Variants in CPS1 observed in about 807,000 individuals in gnomAD.
The protein encoded by CPS1 is carbamoyl-phosphate synthase [ammonia], mitochondrial.
CPS1 carries 109 observed loss-of-function variants against 174.6 expected under a neutral mutation model. The ratio of observed to expected loss-of-function variants is 0.62; its 90% CI spans 0.53 to 0.73. The LOEUF (loss-of-function observed/expected upper bound fraction) is 0.73, where lower values mean the gene tolerates loss of function less well. Ranked by LOEUF, CPS1 falls within the 30% of genes least tolerant of loss-of-function variation. The pLI, the probability that CPS1 is intolerant of heterozygous loss-of-function variation, is 0.00. For synonymous variants in CPS1, 637 were observed against 632.0 expected, an observed-to-expected ratio of 1.01 and a Z score of -0.12; for missense variants, 1,689 against 1,821.9, an observed-to-expected ratio of 0.93 and a Z score of 1.33.
intron 28 of CPS1, among the ~76,000 whole-genome samples, chr2:210,651,457 C>T (rs1177901972): frequency 1.3e-5 from 2 of 152,096 alleles, no homozygotes; most frequent in Non-Finnish European, 2.9e-5. Context: ...TTCCAGTGGG[C>T]CAGTTTTCAC....
At chr2:210,515,358 TATTACTG>T (rs1695654309) in intron 1 of CPS1, among the ~76,000 whole-genome samples, 1 of 151,682 alleles carries the variant, frequency 6.6e-6, no homozygotes, top group Non-Finnish European at 1.5e-5. Context: ...GGTTTTTTTT[TATTACTG>T]ATTCAATTTT....
intron 1 of CPS1, among the ~76,000 whole-genome samples, chr2:210,561,049 C>A (rs1199259032): frequency 6.6e-6 from 1 of 152,064 alleles, no homozygotes; most frequent in South Asian, 2.1e-4. Flanking sequence ...TGGGAGATGG[C>A]CTTTCTTTTG....
intron 1 of CPS1, among the ~76,000 whole-genome samples, chr2:210,486,543 T>A (rs867687189): frequency 5.1e-4 from 78 of 152,156 alleles, no homozygotes; most frequent in African/African-American, 1.8e-3. Context: ...GGAGTTTCAC[T>A]CCTGTTGCCC....
Position 210,512,078 on chromosome 2 carries a change from T to G in CPS1, c.3+34312T>G, listed in dbSNP as rs551762922. Among the ~76,000 whole-genome samples the G allele has an allele frequency of 1.4e-3, 214 of 152,200 alleles. 7 individuals are homozygous for G. In the South Asian group the frequency reaches 0.043, roughly 30 times the overall value. On this transcript the variant is annotated intron_variant, in intron 1 of 38. Transcript: ENST00000430249. ...TGAACTTACCATTTTTCCCTAGCCC[T>G]CTTCATTTTCCTAGAGACCACATTT... is the stretch of plus-strand genomic sequence containing the variant.
intron 1 of CPS1, among the ~76,000 whole-genome samples, chr2:210,486,730 G>A (rs537084343): frequency 2.0e-5 from 3 of 152,244 alleles, no homozygotes; most frequent in East Asian, 1.9e-4. Context: ...GGCTGGTCTC[G>A]AACTCTTGAC....
intron 34 of CPS1, chr2:210,674,590 A>G: frequency 2.7e-6 from 1 of 364,016 alleles, no homozygotes; most frequent in Non-Finnish European, 5.1e-6. Flanking sequence ...CTGACCAGGA[A>G]AAGGATCCTT....
intron 6 of CPS1, among the ~76,000 whole-genome samples, chr2:210,586,825 A>G (rs1698127150): frequency 6.6e-6 from 1 of 152,106 alleles, no homozygotes; most frequent in Middle Eastern, 3.2e-3. Context: ...GCGTATTTGT[A>G]TCAGGAGATT....
intron 5 of CPS1, 74 bp downstream of exon 5, chr2:210,579,844 T>A: frequency 8.2e-7 from 1 of 1,224,006 alleles, no homozygotes; most frequent in South Asian, 1.2e-5. Context: ...GGTGTTTCCC[T>A]CAGTGCCTAA....
chr2:210,586,864 A>G (rs975298215), intron 6 of CPS1, among the ~76,000 whole-genome samples: 1 of 152,092 alleles, frequency 6.6e-6, no homozygotes, highest in Non-Finnish European at 1.5e-5. Context: ...TTGTTTGACT[A>G]CATGCCTTGG....
At chr2:210,644,847 C>G (rs1239782759) in intron 25 of CPS1, among the ~76,000 whole-genome samples, 1 of 152,034 alleles carries the variant, frequency 6.6e-6, no homozygotes, top group Admixed American at 6.6e-5. Context: ...TTTTAAAAAA[C>G]AGAAAACTAA....
At chr2:210,582,580 G>A in intron 5 of CPS1, 37 bp from the exon 6 acceptor site, 1 of 1,495,022 alleles carries the variant, frequency 6.7e-7, no homozygotes, top group African/African-American at 1.4e-5. Flanking sequence ...CTTTATCGTT[G>A]CTTCCTTTTA....
intron 22 of CPS1, 37 bp from the exon 23 acceptor site, chr2:210,639,113 A>G (rs1461977907): frequency 1.3e-6 from 2 of 1,542,502 alleles, no homozygotes; most frequent in Non-Finnish European, 8.9e-7. Context: ...TTATAATAAC[A>G]TTCTTATTTG....
Position 210,562,868 on chromosome 2 carries a change from GTTT to G in CPS1, c.126+6022_126+6024del, listed in dbSNP as rs74421812. Among the ~76,000 whole-genome samples the G allele has an allele frequency of 5.3e-4, 72 of 136,586 alleles. 1 individual carries two copies. The highest frequency in any genetic ancestry group is 1.8e-3 in the African/African-American group (68 of 37,868). The allele number at this position is 136,586 out of a possible 152,430, so 89.6% of individuals were successfully genotyped here. ...AGGGAATTACTGACTTTTAAATGGT[GTTT>G]TTTTTTTTTTTTCAAACCTTTTATG... On this transcript the variant is annotated intron_variant, in intron 1 of 37. Transcript: ENST00000233072.
intron 1 of CPS1, among the ~76,000 whole-genome samples, chr2:210,568,021 G>C (rs1697357776): frequency 6.6e-6 from 1 of 152,068 alleles, no homozygotes; most frequent in Non-Finnish European, 1.5e-5. Context: ...GGACAACAGT[G>C]GGCTATTTCA....
At chr2:210,485,013 G>A (rs1391901822) in intron 1 of CPS1, among the ~76,000 whole-genome samples, 4 of 152,036 alleles carry the variant, frequency 2.6e-5, no homozygotes, top group Admixed American at 2.6e-4. Flanking sequence ...CAGATCATGA[G>A]GTCAGGAGAT....
chr2:210,492,902 T>C (rs748583928), intron 1 of CPS1, among the ~76,000 whole-genome samples: 3 of 152,154 alleles, frequency 2.0e-5, no homozygotes, highest in Non-Finnish European at 4.4e-5. Context: ...ATTTACACAT[T>C]ATAAACAGAA....
chr2:210,613,587 T>TA (rs1699204051), intron 20 of CPS1, among the ~76,000 whole-genome samples: 1 of 151,804 alleles, frequency 6.6e-6, no homozygotes, highest in Non-Finnish European at 1.5e-5. Flanking sequence ...TATATATATA[T>TA]AAAATTTTTT....
chr2:210,511,044 G>A (rs1695473500), intron 1 of CPS1, among the ~76,000 whole-genome samples: 2 of 151,770 alleles, frequency 1.3e-5, no homozygotes, highest in South Asian at 4.1e-4. Context: ...TATATCCAAA[G>A]GACTATAAAT....
intron 21 of CPS1, chr2:210,619,939 T>C (rs879266452): frequency 8.4e-6 from 1 of 119,224 alleles, no homozygotes; most frequent in Non-Finnish European, 1.8e-5. Flanking sequence ...TGTTGGGGGG[T>C]GGGGGGCTAA....
Sources: allele counts gnomAD v4.1 joint callset (sites outside exome capture counted in the v4.1 genomes callset), GRCh38; gene constraint gnomAD v4.1.1; transcripts MANE v1.5; gene names NCBI Gene and HGNC (gene_info 2026-07-23, HGNC 2026-07-21).